Variants in CDH13 observed in about 807,000 individuals in gnomAD.
CDH13 encodes cadherin-13.
CDH13 carries 24 observed loss-of-function variants against 63.8 expected under a neutral mutation model. The ratio of observed to expected loss-of-function variants is 0.38; its 90% CI spans 0.27 to 0.53. The LOEUF is 0.53. CDH13 is among the 20% of genes least tolerant of loss of function. CDH13 has a pLI of 0.85. For missense variants in CDH13, 1,049 were observed against 903.1 expected, an observed-to-expected ratio of 1.16 and a Z score of -2.07; for synonymous variants, 503 against 355.3, an observed-to-expected ratio of 1.42 and a Z score of -4.67.
intron 11 of CDH13, among the ~76,000 whole-genome samples, chr16:83,766,078 C>A (rs112452056): frequency 3.3e-5 from 5 of 152,286 alleles, no homozygotes; most frequent in African/African-American, 1.2e-4. Context: ...TGATTATCCT[C>A]CCAGAATGTG....
chr16:82,775,934 A>C (rs1341209139), intron 1 of CDH13, among the ~76,000 whole-genome samples: 1 of 152,156 alleles, frequency 6.6e-6, no homozygotes. Context: ...ATCAGGCTGC[A>C]TGCAGTGGCT....
intron 7 of CDH13, among the ~76,000 whole-genome samples, chr16:83,594,304 A>G (rs1350366364): frequency 6.6e-6 from 1 of 152,178 alleles, no homozygotes; most frequent in African/African-American, 2.4e-5. Flanking sequence ...ATTCTCACGT[A>G]TCCTATAAGG....
At chr16:82,963,758 T>C (rs547295156) in intron 2 of CDH13, among the ~76,000 whole-genome samples, 1 of 152,288 alleles carries the variant, frequency 6.6e-6, no homozygotes, top group South Asian at 2.1e-4. Context: ...CTGCATGTGT[T>C]AGTGACATGC....
intron 6 of CDH13, among the ~76,000 whole-genome samples, chr16:83,466,411 A>G (rs924246092): frequency 1.3e-5 from 2 of 152,236 alleles, no homozygotes; most frequent in African/African-American, 4.8e-5. Flanking sequence ...ACAGTCCAGC[A>G]ACAGAGGGCT....
chr16:83,311,842 A>C (rs1273760394), intron 5 of CDH13, among the ~76,000 whole-genome samples: 1 of 152,200 alleles, frequency 6.6e-6, no homozygotes, highest in Non-Finnish European at 1.5e-5. Context: ...TGGGAGGCCA[A>C]GGCGGGTGGA....
intron 7 of CDH13, among the ~76,000 whole-genome samples, chr16:83,535,646 C>T (rs1321821550): frequency 6.6e-6 from 1 of 152,158 alleles, no homozygotes; most frequent in Non-Finnish European, 1.5e-5. Context: ...AATGCTGAGC[C>T]AACTGTGCAG....
intron 8 of CDH13, among the ~76,000 whole-genome samples, chr16:83,646,814 G>C (rs563031145): frequency 8.2e-4 from 123 of 149,902 alleles, no homozygotes; most frequent in African/African-American, 2.8e-3. Context: ...TCCAGTAACC[G>C]CAGAGCCATG....
chr16:83,678,837 A>C (rs1357402707), intron 10 of CDH13, among the ~76,000 whole-genome samples: 2 of 152,172 alleles, frequency 1.3e-5, no homozygotes, highest in African/African-American at 2.4e-5. Flanking sequence ...TTTATGACAA[A>C]GGTTTTGCTA....
intron 1 of CDH13, among the ~76,000 whole-genome samples, chr16:82,799,187 G>T (rs2036732552): frequency 6.6e-6 from 1 of 152,166 alleles, no homozygotes; most frequent in African/African-American, 2.4e-5. Flanking sequence ...TGTTTGTAAG[G>T]GGGTGACGTT....
chr16:83,277,821 G>A (rs1303657804), intron 5 of CDH13, among the ~76,000 whole-genome samples: 1 of 151,902 alleles, frequency 6.6e-6, no homozygotes, highest in Non-Finnish European at 1.5e-5. Flanking sequence ...TATTTTTTTA[G>A]TAATTTGGTA....
At chr16:82,896,265 C>G (rs1285302884) in intron 2 of CDH13, among the ~76,000 whole-genome samples, 1 of 114,686 alleles carries the variant, frequency 8.7e-6, no homozygotes, top group African/African-American at 3.2e-5. Flanking sequence ...CTTCTGAGAA[C>G]TAGGATTAGG....
intron 5 of CDH13, among the ~76,000 whole-genome samples, chr16:83,246,569 A>G (rs1597588733): frequency 6.6e-6 from 1 of 152,034 alleles, no homozygotes; most frequent in Admixed American, 6.6e-5. Context: ...GTATTTTTTT[A>G]GAAGCAATTA....
At chr16:82,772,000 A>G (rs2151097987) in intron 1 of CDH13, among the ~76,000 whole-genome samples, 1 of 152,358 alleles carries the variant, frequency 6.6e-6, no homozygotes, top group East Asian at 1.9e-4. Context: ...AAGTTGTCAG[A>G]TGCTTCTGTA....
intron 1 of CDH13, among the ~76,000 whole-genome samples, chr16:82,856,105 G>A (rs867898486): frequency 1.3e-5 from 2 of 152,154 alleles, no homozygotes; most frequent in African/African-American, 4.8e-5. Flanking sequence ...GGCCGGGCAC[G>A]GTGGCTCACA....
rs71272416 is a variant in CDH13 at position 83,265,727 on chromosome 16, C to CTTTTTTTTTTTTTT, written c.636+48243_636+48256dup. Among the ~76,000 whole-genome samples, 22 of 42,570 alleles carry CTTTTTTTTTTTTTT rather than the reference C, an allele frequency of 5.2e-4. 3 individuals carry two copies. Among genetic ancestry groups the CTTTTTTTTTTTTTT allele is most frequent in the East Asian group, 1.5e-3 (3 of 1,976 alleles). The allele number at this position is 42,570 out of a possible 152,430, so 27.9% of individuals were successfully genotyped here. ...GTTTTCTGTTGCTTCTAAATTTCTG[C>CTTTTTTTTTTTTTT]TTTTTTTTTTTTTTTTTTTTTTTTT... is the stretch of plus-strand genomic sequence containing the variant. On this transcript the variant is annotated intron_variant, in intron 5 of 13. Coordinates refer to ENST00000567109, the MANE Select transcript of CDH13 (RefSeq NM_001257.5).
Position 83,344,898 on chromosome 16 carries a change from C to G in CDH13, c.673C>G (p.Leu225Val), listed in dbSNP as rs2090804640. 2.5e-6 allele frequency: 4 copies of G among 1,613,972 alleles called. No individual in the cohort carries two copies. Among genetic ancestry groups the G allele is most frequent in the African/African-American group, 2.7e-5 (2 of 75,062 alleles). Reference protein sequence around the residue: ...VETTDVNGKTLEGPVPLEVIV... With the variant: ...VETTDVNGKTVEGPVPLEVIV... ...GACCACTGATGTCAATGGCAAAACT[C>G]TCGAGGGGCCGGTGCCTCTGGAAGT... Residue 225 changes from leucine (L) to valine (V), a missense_variant, in exon 6 of 14, where the codon CTC becomes GTC. Transcript: ENST00000567109.
chr16:82,893,077 A>G (rs1254870204), intron 2 of CDH13, among the ~76,000 whole-genome samples: 1 of 152,244 alleles, frequency 6.6e-6, no homozygotes, highest in East Asian at 1.9e-4. Context: ...AGTCCCTGTA[A>G]TTCTAATGTG....
chr16:82,980,048 C>G (rs1038499987), intron 2 of CDH13, among the ~76,000 whole-genome samples: 1 of 152,002 alleles, frequency 6.6e-6, no homozygotes, highest in Non-Finnish European at 1.5e-5. Context: ...ACAGGGAAAC[C>G]ACAAGGGATG....
chr16:83,756,924 C>G (rs947312973), intron 11 of CDH13, among the ~76,000 whole-genome samples: 1 of 152,192 alleles, frequency 6.6e-6, no homozygotes, highest in African/African-American at 2.4e-5. Context: ...AAATAATTAA[C>G]AAATTTCATC....
Sources: allele counts gnomAD v4.1 joint callset (sites outside exome capture counted in the v4.1 genomes callset), GRCh38; gene constraint gnomAD v4.1.1; transcripts MANE v1.5; gene names NCBI Gene and HGNC (gene_info 2026-07-23, HGNC 2026-07-21).